The following DMD variants were observed in gnomAD, a reference collection of about 807,000 sequenced individuals.
DMD encodes dystrophin, also known as mutant dystrophin.
In DMD, 63 loss-of-function variants were observed where a neutral mutation model predicts 330.1. The ratio of observed to expected loss-of-function variants is 0.19; its 90% CI spans 0.16 to 0.24. The LOEUF is 0.24. Ranked by LOEUF, DMD falls within the 10% of genes least tolerant of loss-of-function variation. The pLI, the probability that DMD is intolerant of heterozygous loss-of-function variation, is 1.00. For synonymous variants in DMD, 1,223 were observed against 959.8 expected, an observed-to-expected ratio of 1.27 and a Z score of -5.07; for missense variants, 3,344 against 2,684.1, an observed-to-expected ratio of 1.25 and a Z score of -5.43.
chrX:32,537,360 A>G (rs750145993), intron 17 of DMD, among the ~76,000 whole-genome samples: 1 of 111,641 alleles, frequency 9.0e-6, no homozygotes, highest in Admixed American at 9.6e-5. Flanking sequence ...TCCCCAAAAA[A>G]TAAAGCATCA....
At chrX:32,657,333 CT>C in intron 9 of DMD, among the ~76,000 whole-genome samples, 1 of 111,725 alleles carries the variant, frequency 9.0e-6, no homozygotes, top group East Asian at 2.8e-4. Context: ...TAAAAGATTT[CT>C]TTTTAAAAGC....
chrX:32,932,187 A>G (rs975908271), intron 2 of DMD, among the ~76,000 whole-genome samples: 1 of 112,310 alleles, frequency 8.9e-6, no homozygotes, highest in Non-Finnish European at 1.9e-5. Context: ...ATCCATTTGA[A>G]TGAGATTTTG....
At chrX:31,468,742 C>A (rs374613388) in intron 59 of DMD, among the ~76,000 whole-genome samples, 1 of 110,882 alleles carries the variant, frequency 9.0e-6, no homozygotes, top group Non-Finnish European at 1.9e-5. Context: ...TTCGTTGATC[C>A]GTCTAATATT....
intron 7 of DMD, among the ~76,000 whole-genome samples, chrX:32,730,581 C>T (rs1269346779): frequency 9.0e-6 from 1 of 111,344 alleles, no homozygotes; most frequent in Non-Finnish European, 1.9e-5. Context: ...GATGTTTGCC[C>T]TAGGAATAAG....
At chrX:31,255,345 T>C (rs771943718) in intron 63 of DMD, among the ~76,000 whole-genome samples, 11 of 111,536 alleles carry the variant, frequency 9.9e-5, no homozygotes, top group Non-Finnish European at 2.1e-4. Flanking sequence ...AGCTAACCTA[T>C]TGGAACAGTC....
intron 9 of DMD, among the ~76,000 whole-genome samples, chrX:32,685,418 T>C (rs1285500332): frequency 1.8e-5 from 2 of 111,695 alleles, no homozygotes; most frequent in Admixed American, 1.9e-4. Flanking sequence ...AATATAGAAA[T>C]TTCTAATTAA....
chrX:32,704,858 AAAC>A (rs2147691178), intron 7 of DMD, among the ~76,000 whole-genome samples: 1 of 112,450 alleles, frequency 8.9e-6, no homozygotes, highest in South Asian at 3.7e-4. Context: ...CTATGGTTGT[AAAC>A]AATAACCTAA....
chrX:32,746,227 T>C (rs1216848446), intron 7 of DMD, among the ~76,000 whole-genome samples: 3 of 112,219 alleles, frequency 2.7e-5, no homozygotes, highest in Non-Finnish European at 5.6e-5. Context: ...ACCTGGGATA[T>C]GTTACTCAAA....
rs184163156 is a variant in DMD, at chrX:32,997,330, C to T, written c.93+22809G>A. Among the ~76,000 whole-genome samples, 592 of 109,407 alleles carry T rather than the reference C, an allele frequency of 5.4e-3. 3 individuals carry two copies. Among genetic ancestry groups the T allele is most frequent in the Non-Finnish European group, 8.9e-3 (465 of 52,517 alleles). On this transcript the variant is annotated intron_variant, in intron 2 of 78. Coordinates refer to ENST00000357033, the MANE Select transcript of DMD (RefSeq NM_004006.3). ...GCGCGATCTCGGCTCACTGCAACCT[C>T]CGCCTCCTGGGTTCAATCAATTCTC...
intron 16 of DMD, among the ~76,000 whole-genome samples, chrX:32,553,755 C>G (rs2049856019): frequency 9.0e-6 from 1 of 111,353 alleles, no homozygotes; most frequent in African/African-American, 3.3e-5. Context: ...CTGTCCCCAC[C>G]CAAATCCTCA....
intron 44 of DMD, among the ~76,000 whole-genome samples, chrX:32,178,833 GT>G (rs2096915685): frequency 4.2e-5 from 2 of 47,394 alleles, no homozygotes; most frequent in African/African-American, 1.4e-4. Flanking sequence ...TCCAGGGGGT[GT>G]GTGTGTGTGT....
intron 7 of DMD, among the ~76,000 whole-genome samples, chrX:32,742,459 A>G (rs748030012): frequency 9.0e-6 from 1 of 111,444 alleles, no homozygotes; most frequent in Admixed American, 9.6e-5. Context: ...ATAGGTCAAG[A>G]TGCCTCATAG....
intron 44 of DMD, among the ~76,000 whole-genome samples, chrX:32,051,741 C>T (rs956835808): frequency 9.0e-6 from 1 of 111,104 alleles, no homozygotes; most frequent in Non-Finnish European, 1.9e-5. Flanking sequence ...TAAGGGTCTC[C>T]TGTCATCGAC....
At chrX:32,548,082 T>C (rs993587369) in intron 16 of DMD, among the ~76,000 whole-genome samples, 23 of 111,705 alleles carry the variant, frequency 2.1e-4, no homozygotes, top group African/African-American at 6.8e-4. Context: ...TTGGACACCA[T>C]AGTCAATCAA....
At chrX:33,041,702 C>A (rs1359240602) in intron 1 of DMD, 3 of 1,205,497 alleles carry the variant, frequency 2.5e-6, no homozygotes, top group Non-Finnish European at 3.4e-6. Flanking sequence ...GTACTGGATT[C>A]AGTGAAGTTA....
intron 42 of DMD, among the ~76,000 whole-genome samples, chrX:32,308,250 C>T (rs1348944536): frequency 1.8e-5 from 2 of 110,880 alleles, no homozygotes; most frequent in Non-Finnish European, 3.8e-5. Context: ...TGTTGTACTG[C>T]ACTTTCAAAA....
chrX:32,181,080 C>A (rs1039582405), intron 44 of DMD, among the ~76,000 whole-genome samples: 10 of 111,998 alleles, frequency 8.9e-5, no homozygotes, highest in African/African-American at 2.6e-4. Context: ...GTAGTTTCAT[C>A]TTCCACGAGT....
intron 7 of DMD, among the ~76,000 whole-genome samples, chrX:32,753,075 G>A (rs1002086383): frequency 7.2e-5 from 8 of 110,948 alleles, no homozygotes; most frequent in African/African-American, 2.6e-4. Flanking sequence ...ATCCCCACCT[G>A]TATTTTCCTC....
At chrX:32,395,697 G>C (rs1430074001) in intron 30 of DMD, among the ~76,000 whole-genome samples, 2 of 111,583 alleles carry the variant, frequency 1.8e-5, no homozygotes, top group East Asian at 2.8e-4. Context: ...GGCTGAGAAA[G>C]GGTTTTGGAG....
Sources: gnomAD v4.1 joint callset for allele counts (sites outside exome capture counted in the v4.1 genomes callset) on GRCh38, gnomAD v4.1.1 for gene constraint, MANE v1.5 for transcripts, NCBI Gene and HGNC (gene_info 2026-07-23, HGNC 2026-07-21) for gene names.